TMEM232: variants seen among roughly 807,000 people sequenced by gnomAD.
TMEM232 encodes transmembrane protein 232.
In TMEM232, 80 loss-of-function variants were observed where a neutral mutation model predicts 78.8. That is an observed-to-expected ratio of 1.01 (90% confidence interval 0.85 to 1.22). The LOEUF is 1.22. TMEM232 is among the 50% of genes most tolerant of loss of function. The pLI is 0.00. For synonymous variants in TMEM232, 297 were observed against 254.3 expected (o/e 1.17, Z -1.60); for missense variants, 881 against 742.2 (o/e 1.19, Z -2.17).
chr5:110,422,895 C>T (rs1453979585), intron 13 of TMEM232, among the ~76,000 whole-genome samples: 1 of 151,752 alleles, frequency 6.6e-6, no homozygotes, highest in Non-Finnish European at 1.5e-5. Context: ...TAGAAGGAAG[C>T]AAAAAAATAG....
chr5:110,691,060 T>A (rs1794059150), intron 1 of TMEM232, among the ~76,000 whole-genome samples: 1 of 150,226 alleles, frequency 6.7e-6, no homozygotes, highest in South Asian at 2.1e-4. Flanking sequence ...CACCATGGCA[T>A]GTGTAGCAAA....
intron 12 of TMEM232, among the ~76,000 whole-genome samples, chr5:110,478,758 G>A (rs528400081): frequency 6.6e-6 from 1 of 151,756 alleles, no homozygotes; most frequent in Non-Finnish European, 1.5e-5. Flanking sequence ...AGCTTTTAAG[G>A]TGCCAATGTT....
chr5:110,655,406 A>G (rs1331615575), intron 2 of TMEM232, among the ~76,000 whole-genome samples: 10 of 148,680 alleles, frequency 6.7e-5, no homozygotes, highest in African/African-American at 2.5e-4. Flanking sequence ...TCAGGAAACA[A>G]CAGGTGCTGG....
At chr5:110,679,148 T>C (rs1288736682) in intron 1 of TMEM232, among the ~76,000 whole-genome samples, 3 of 152,176 alleles carry the variant, frequency 2.0e-5, no homozygotes, top group Non-Finnish European at 2.9e-5. Context: ...CCCACCAGCA[T>C]CAAATGAGAG....
intron 12 of TMEM232, among the ~76,000 whole-genome samples, chr5:110,442,744 G>A (rs1759204027): frequency 6.6e-6 from 1 of 152,058 alleles, no homozygotes; most frequent in African/African-American, 2.4e-5. Flanking sequence ...CACAGTCTGG[G>A]CTTTCTTGTG....
intron 2 of TMEM232, among the ~76,000 whole-genome samples, chr5:110,409,674 A>T (rs1250871327): frequency 6.6e-6 from 1 of 151,880 alleles, no homozygotes; most frequent in East Asian, 1.9e-4. Context: ...CCATCTGTTG[A>T]GTATCTTTAG....
intron 10 of TMEM232, among the ~76,000 whole-genome samples, chr5:110,584,778 C>T (rs1202404210): frequency 6.6e-6 from 1 of 152,010 alleles, no homozygotes; most frequent in African/African-American, 2.4e-5. Flanking sequence ...ATAATTCTTA[C>T]TACTGTAACA....
intron 10 of TMEM232, among the ~76,000 whole-genome samples, chr5:110,582,910 A>T (rs568595328): frequency 6.6e-6 from 1 of 152,042 alleles, no homozygotes; most frequent in Non-Finnish European, 1.5e-5. Context: ...TACATTTATG[A>T]TAGCAACAAA....
At position 110,690,207 on chromosome 5, in the gene TMEM232, G is replaced by A. The variant is rs1025260792; in HGVS notation, c.-12-22843C>T. Among the ~76,000 whole-genome samples the A allele has an allele frequency of 4.6e-5, 7 of 152,264 alleles. No homozygotes were observed. In the East Asian group the frequency reaches 1.2e-3, roughly 25 times the overall value. On this transcript the variant is annotated intron_variant, in intron 1 of 13. Coordinates refer to ENST00000455884, the MANE Select transcript of TMEM232 (RefSeq NM_001039763.4). Reference sequence around the variant, plus strand: ...CATCAGAGTGAACAGGCAACCTACAGAATGGAATAAAATTTTTTCAGTCTA... The same window carrying A: ...CATCAGAGTGAACAGGCAACCTACAAAATGGAATAAAATTTTTTCAGTCTA...
intron 12 of TMEM232, among the ~76,000 whole-genome samples, chr5:110,463,188 T>C (rs983322406): frequency 6.6e-6 from 1 of 152,132 alleles, no homozygotes; most frequent in African/African-American, 2.4e-5. Context: ...CACCCAAATC[T>C]TCAACAACCA....
At chr5:110,642,221 G>A in intron 3 of TMEM232, 39 bp downstream of exon 3, 1 of 1,280,544 alleles carries the variant, frequency 7.8e-7, no homozygotes, top group Non-Finnish European at 1.1e-6. Context: ...AACTAGAAAG[G>A]AAGTTAACAT....
At chr5:110,713,028 G>C (rs994190893) in intron 1 of TMEM232, among the ~76,000 whole-genome samples, 2 of 152,110 alleles carry the variant, frequency 1.3e-5, no homozygotes, top group Admixed American at 6.5e-5. Flanking sequence ...CAACAGATGA[G>C]TGGATAGAGA....
chr5:110,487,510 T>C (rs561067096), intron 12 of TMEM232, among the ~76,000 whole-genome samples: 21 of 152,288 alleles, frequency 1.4e-4, no homozygotes, highest in Non-Finnish European at 2.6e-4. Flanking sequence ...CTGAGAGTTT[T>C]CATTGGAAAG....
At position 110,489,889 on chromosome 5, in the gene TMEM232, G is replaced by T. The variant is rs150880305; in HGVS notation, c.1703+38699C>A. 8.6e-3 allele frequency among the ~76,000 whole-genome samples: 1,314 copies of T among 152,038 alleles called. 20 individuals are homozygous for T. The highest frequency in any genetic ancestry group is 0.03 in the African/African-American group (1,231 of 41,496). ...GCCTGTAATCCTAGCACTTTGGAAGGCCGAGGCGGGCGGATCACAAGGTCA... is the reference window on the plus strand; with the variant it reads ...GCCTGTAATCCTAGCACTTTGGAAGTCCGAGGCGGGCGGATCACAAGGTCA... On this transcript the variant is annotated intron_variant, in intron 12 of 13. Coordinates refer to ENST00000455884, the MANE Select transcript of TMEM232 (RefSeq NM_001039763.4).
chr5:110,594,939 C>A (rs1421404592), intron 10 of TMEM232, among the ~76,000 whole-genome samples: 3 of 152,196 alleles, frequency 2.0e-5, no homozygotes, highest in Non-Finnish European at 4.4e-5. Flanking sequence ...GCAGACTGCC[C>A]CCTCAAATGG....
chr5:110,423,287 T>C (rs1756870623), intron 13 of TMEM232, among the ~76,000 whole-genome samples: 1 of 152,166 alleles, frequency 6.6e-6, no homozygotes, highest in Admixed American at 6.5e-5. Context: ...CTTAAAACAT[T>C]GAGCAAGTAA....
At position 110,424,804 on chromosome 5, in the gene TMEM232, A is replaced by T. The variant is rs762581559; in HGVS notation, c.1797+19T>A. 5.6e-6 allele frequency: 8 copies of T among 1,423,432 alleles called. No homozygotes were observed. Among genetic ancestry groups the T allele is most frequent in the Middle Eastern group, 3.5e-4 (2 of 5,670 alleles). The allele number at this position is 1,423,432 out of a possible 1,614,324, so 88.2% of individuals were successfully genotyped here. A position where few individuals can be genotyped will look rare whatever the true frequency, so the allele number is the denominator to read the frequency against. ...AGGAACAAAGCTTTTGCTGCTAGTT[A>T]AAAAAAAATCAATCTTACGTGATGG... On this transcript the variant is annotated intron_variant, in intron 13 of 13. Coordinates refer to ENST00000455884, the MANE Select transcript of TMEM232 (RefSeq NM_001039763.4).
At chr5:110,716,885 T>C (rs1797067652) in intron 1 of TMEM232, among the ~76,000 whole-genome samples, 1 of 152,158 alleles carries the variant, frequency 6.6e-6, no homozygotes, top group African/African-American at 2.4e-5. Context: ...CTGGTTGGCT[T>C]TTTTGTGTGT....
chr5:110,675,358 C>G (rs563335436), intron 1 of TMEM232, among the ~76,000 whole-genome samples: 1 of 152,200 alleles, frequency 6.6e-6, no homozygotes, highest in South Asian at 2.1e-4. Flanking sequence ...AAAATTCTTA[C>G]AAGTAAGCTT....
Sources: gnomAD v4.1 joint callset for allele counts (sites outside exome capture counted in the v4.1 genomes callset) on GRCh38, gnomAD v4.1.1 for gene constraint, MANE v1.5 for transcripts, NCBI Gene and HGNC (gene_info 2026-07-23, HGNC 2026-07-21) for gene names.